The following FSHR variants were observed in gnomAD, a reference collection of about 807,000 sequenced individuals.
FSHR encodes the protein follicle stimulating hormone receptor.
FSHR carries 46 observed loss-of-function variants against 52.1 expected under a neutral mutation model. The ratio of observed to expected loss-of-function variants is 0.88; its 90% CI spans 0.70 to 1.13. FSHR has a LOEUF of 1.13. Ranked by LOEUF, FSHR falls within the 50% of genes most tolerant of loss-of-function variation. FSHR has a pLI of 0.00. For synonymous variants in FSHR, 399 were observed against 309.6 expected, an observed-to-expected ratio of 1.29 and a Z score of -3.03; for missense variants, 964 against 834.6, an observed-to-expected ratio of 1.16 and a Z score of -1.91.
intron 1 of FSHR, among the ~76,000 whole-genome samples, chr2:49,070,621 A>C (rs1428160464): frequency 1.3e-5 from 2 of 152,190 alleles, no homozygotes; most frequent in African/African-American, 4.8e-5. Context: ...GAACTCTTCT[A>C]TTTAATAATG....
intron 1 of FSHR, among the ~76,000 whole-genome samples, chr2:49,146,861 A>T (rs1416575039): frequency 6.6e-6 from 1 of 152,020 alleles, no homozygotes; most frequent in Non-Finnish European, 1.5e-5. Context: ...AGAAGTTTTC[A>T]TCAAGCTTGC....
chr2:49,149,413 G>T (rs1250078957), intron 1 of FSHR, among the ~76,000 whole-genome samples: 2 of 152,018 alleles, frequency 1.3e-5, no homozygotes, highest in African/African-American at 4.8e-5. Flanking sequence ...ATTGAACACT[G>T]AATCTGAGAG....
At chr2:49,145,959 G>T (rs977873405) in intron 1 of FSHR, among the ~76,000 whole-genome samples, 2 of 152,004 alleles carry the variant, frequency 1.3e-5, no homozygotes, top group Non-Finnish European at 2.9e-5. Flanking sequence ...CTGGGGAGTA[G>T]AAAATAGCAC....
Position 48,963,773 on chromosome 2 carries a change from G to T in FSHR, c.1048C>A (p.Pro350Thr). ...TCTTCACATGGGTTGAATGCATCTG[G>T]CTTAGGGGAGCAGGTCACGTCAACC... The part of the protein sequence containing the change: ...EVVDVTCSPK[P>T]DAFNPCEDIM... Residue 350 changes from proline to threonine, a missense_variant, in exon 10 of 10, where the codon CCA becomes ACA. By Grantham distance (38) the Pro-to-Thr change is conservative. Coordinates refer to ENST00000406846, the MANE Select transcript of FSHR (RefSeq NM_000145.4). The T allele has an allele frequency of 1.2e-6, 2 of 1,614,094 alleles. No homozygotes were observed. The highest frequency in any genetic ancestry group is 1.1e-5 in the South Asian group (1 of 91,078).
chr2:49,139,562 C>T (rs181823331), intron 1 of FSHR, among the ~76,000 whole-genome samples: 14 of 151,408 alleles, frequency 9.2e-5, no homozygotes, highest in African/African-American at 3.2e-4. Flanking sequence ...TGCTAAAGTG[C>T]CAGCCTTTAA....
At chr2:49,098,827 T>C (rs905765626) in intron 1 of FSHR, among the ~76,000 whole-genome samples, 3 of 146,552 alleles carry the variant, frequency 2.0e-5, no homozygotes, top group South Asian at 4.2e-4. Flanking sequence ...TATATTATTA[T>C]ATATTATATA....
chr2:48,986,138 T>A (rs919205735), intron 6 of FSHR, among the ~76,000 whole-genome samples: 1 of 152,192 alleles, frequency 6.6e-6, no homozygotes, highest in Non-Finnish European at 1.5e-5. Context: ...CTCTCCTCCC[T>A]CAGGTAGGCC....
chr2:49,132,341 G>A (rs1005697962), intron 1 of FSHR, among the ~76,000 whole-genome samples: 3 of 152,074 alleles, frequency 2.0e-5, no homozygotes, highest in Admixed American at 1.3e-4. Context: ...GGTCATTTTT[G>A]TTTCTATCCT....
At chr2:49,034,349 G>T (rs1668206684) in intron 2 of FSHR, among the ~76,000 whole-genome samples, 3 of 152,184 alleles carry the variant, frequency 2.0e-5, no homozygotes, top group Admixed American at 2.0e-4. Context: ...GTTAAGAAAA[G>T]TCTGATCAGC....
At chr2:49,069,968 C>G (rs990589788) in intron 1 of FSHR, among the ~76,000 whole-genome samples, 4 of 152,134 alleles carry the variant, frequency 2.6e-5, no homozygotes, top group African/African-American at 9.7e-5. Flanking sequence ...GATAGAGCTG[C>G]TACTCAGGCA....
chr2:48,982,766 C>T, intron 8 of FSHR, 146 bp downstream of exon 8: 2 of 735,462 alleles, frequency 2.7e-6, no homozygotes, highest in Non-Finnish European at 4.9e-6. Flanking sequence ...CTTAAATTGT[C>T]TCTATAAATT....
At position 49,089,098 on chromosome 2, in the gene FSHR, A is replaced by G. The variant is rs796526788; in HGVS notation, c.153-20808T>C. On this transcript the variant is annotated intron_variant, in intron 1 of 9. Coordinates refer to ENST00000406846, the MANE Select transcript of FSHR (RefSeq NM_000145.4). Reference sequence around the variant, plus strand: ...TTGTGTATCCAAATTCACTTCTAATATAATATAATATAATATTTATTTATA... The same window carrying G: ...TTGTGTATCCAAATTCACTTCTAATGTAATATAATATAATATTTATTTATA... Among the ~76,000 whole-genome samples, 9 of 148,198 alleles carry G rather than the reference A, an allele frequency of 6.1e-5. 2 individuals are homozygous for G. The highest frequency in any genetic ancestry group is 2.3e-4 in the African/African-American group (9 of 38,380).
chr2:49,105,276 G>C lies in FSHR; in HGVS notation c.153-36986C>G, dbSNP rs1480587032. Among the ~76,000 whole-genome samples, 41 of 152,128 alleles carry C rather than the reference G, an allele frequency of 2.7e-4. 1 individual carries two copies. The highest frequency in any genetic ancestry group is 2.7e-3 in the Admixed American group (41 of 15,272). The stretch of plus-strand genomic sequence containing the variant: ...TTCTCCCCTTTGCCTTGGTGTGCTT[G>C]GGGAGTGCTGCTTGCATTGGTATAT... On this transcript the variant is annotated intron_variant, in intron 1 of 9. Coordinates refer to ENST00000406846, the MANE Select transcript of FSHR (RefSeq NM_000145.4).
At chr2:49,128,005 G>A (rs1672127624) in intron 1 of FSHR, among the ~76,000 whole-genome samples, 1 of 150,308 alleles carries the variant, frequency 6.7e-6, no homozygotes, top group Admixed American at 6.7e-5. Context: ...CAATTCTCAG[G>A]CCTCAGCCTC....
At chr2:49,138,023 A>T (rs372149926) in intron 1 of FSHR, among the ~76,000 whole-genome samples, 4 of 152,176 alleles carry the variant, frequency 2.6e-5, no homozygotes, top group African/African-American at 9.6e-5. Context: ...ACATAATGGG[A>T]CAAAAATATT....
At chr2:48,979,630 C>A (rs189985674) in intron 8 of FSHR, among the ~76,000 whole-genome samples, 3 of 152,290 alleles carry the variant, frequency 2.0e-5, no homozygotes, top group Non-Finnish European at 4.4e-5. Context: ...GGACTTGCCC[C>A]TTACCTTAAT....
chr2:49,002,999 C>T (rs1666959434), intron 4 of FSHR, among the ~76,000 whole-genome samples: 1 of 152,144 alleles, frequency 6.6e-6, no homozygotes, highest in Non-Finnish European at 1.5e-5. Flanking sequence ...GCATGCCAGG[C>T]TTTCTCTTCT....
intron 8 of FSHR, among the ~76,000 whole-genome samples, chr2:48,981,667 T>C (rs1038866790): frequency 4.6e-5 from 7 of 152,216 alleles, no homozygotes; most frequent in East Asian, 1.9e-4. Context: ...ATCTCATATA[T>C]AGATCACAAC....
rs372042265 is a variant in FSHR, at chr2:48,997,295, T to C, written c.375-6658A>G. On this transcript the variant is annotated intron_variant, in intron 4 of 9. Coordinates refer to ENST00000406846, the MANE Select transcript of FSHR (RefSeq NM_000145.4). Reference sequence around the variant, plus strand: ...CTCACATTTTCAAAACTAGAAGTATTTAACTCTCATATTTAACTGGAACTC... The same window carrying C: ...CTCACATTTTCAAAACTAGAAGTATCTAACTCTCATATTTAACTGGAACTC... 206 of 984,956 alleles carry C rather than the reference T, an allele frequency of 2.1e-4. 3 individuals are homozygous for C. In the South Asian group the frequency reaches 8.4e-3, roughly 40 times the overall value. The allele number at this position is 984,956 out of a possible 1,614,324, so 61.0% of individuals were successfully genotyped here.
Sources: gnomAD v4.1 joint callset for allele counts (sites outside exome capture counted in the v4.1 genomes callset) on GRCh38, gnomAD v4.1.1 for gene constraint, MANE v1.5 for transcripts, NCBI Gene and HGNC (gene_info 2026-07-23, HGNC 2026-07-21) for gene names.